The following PCDHAC2 variants were observed in gnomAD, a reference collection of about 807,000 sequenced individuals.
PCDHAC2 encodes the protein protocadherin alpha subfamily C, 2.
PCDHAC2 carries 24 observed loss-of-function variants against 63.3 expected under a neutral mutation model. The observed-to-expected ratio is 0.38, with a 90% confidence interval of 0.27 to 0.53. PCDHAC2 has a LOEUF of 0.53. Among genes scored for constraint, PCDHAC2 ranks in the 20% least tolerant of loss-of-function variants. PCDHAC2 has a pLI of 0.81. For synonymous variants in PCDHAC2, 569 were observed against 529.4 expected (o/e 1.07, Z -1.03); for missense variants, 1,181 against 1,275.2 (o/e 0.93, Z 1.12).
At chr5:140,984,597 T>TA (rs1554246418) in intron 3 of PCDHAC2, among the ~76,000 whole-genome samples, 1 of 152,182 alleles carries the variant, frequency 6.6e-6, no homozygotes, top group East Asian at 1.9e-4. Flanking sequence ...TTTCAATACA[T>TA]ACCTCTGCAT....
At chr5:141,003,913 T>C (rs1554259375) in intron 3 of PCDHAC2, among the ~76,000 whole-genome samples, 1 of 152,206 alleles carries the variant, frequency 6.6e-6, no homozygotes, top group African/African-American at 2.4e-5. Flanking sequence ...GGGTCTTGAC[T>C]GCATCCTCAG....
intron 3 of PCDHAC2, among the ~76,000 whole-genome samples, chr5:140,992,954 C>G (rs1174073844): frequency 6.6e-6 from 1 of 152,190 alleles, no homozygotes; most frequent in Non-Finnish European, 1.5e-5. Context: ...TTAAATCACC[C>G]CTTATACTGC....
chr5:141,010,438 CA>C lies in PCDHAC2; in HGVS notation c.*504del. ...TACAAGGAAGGCAAGAAAACAAAGA[CA>C]AATAAACAGCGGAAGTTATCAGTAT... On this transcript the variant is annotated 3_prime_UTR_variant, in exon 4 of 4. Transcript: ENST00000289269. 1.0e-6 allele frequency: 1 copy of C among 998,926 alleles called. No individual in the cohort carries two copies. The highest frequency in any genetic ancestry group is 1.4e-6 in the Non-Finnish European group (1 of 704,790). The allele number at this position is 998,926 out of a possible 1,614,324, so 61.9% of individuals were successfully genotyped here.
chr5:140,976,702 A>G (rs782610534), intron 1 of PCDHAC2, among the ~76,000 whole-genome samples: 2 of 152,220 alleles, frequency 1.3e-5, no homozygotes, highest in Non-Finnish European at 2.9e-5. Context: ...AATAATGTTG[A>G]CTTTGCATTA....
chr5:140,982,584 C>T (rs1554244599), intron 3 of PCDHAC2, 21 bp downstream of exon 3: 1 of 1,612,032 alleles, frequency 6.2e-7, no homozygotes, highest in East Asian at 2.2e-5. Flanking sequence ...GGGGTCTCTC[C>T]ATTCTTTCTT....
rs370989006 is a variant in PCDHAC2, at chr5:141,009,739, C to G, written c.2826C>G (p.Pro942=). The G allele has an allele frequency of 1.2e-6, 2 of 1,614,010 alleles. No homozygotes were observed. Among genetic ancestry groups the G allele is most frequent in the Non-Finnish European group, 8.5e-7 (1 of 1,180,008 alleles). The change falls in exon 4 of 4, where the codon CCC becomes CCG. Residue 942 remains proline (P), a synonymous_variant. Transcript: ENST00000289269. ...AACAATCCGGTCCCGGTGAGTTGCCCGACAAATTCATTATCCCAGGATCTC... is the reference window on the plus strand; with the variant it reads ...AACAATCCGGTCCCGGTGAGTTGCCGGACAAATTCATTATCCCAGGATCTC... The part of the protein sequence containing the change: ...NPKQSGPGEL[P]DKFIIPGSPA...
At chr5:140,971,038 A>G (rs948457676) in intron 1 of PCDHAC2, among the ~76,000 whole-genome samples, 4 of 152,216 alleles carry the variant, frequency 2.6e-5, no homozygotes, top group Non-Finnish European at 5.9e-5. Context: ...GAAAGCACGT[A>G]AAAGGGTTTA....
intron 3 of PCDHAC2, among the ~76,000 whole-genome samples, chr5:141,007,495 G>T (rs2098332812): frequency 6.6e-6 from 1 of 151,988 alleles, no homozygotes; most frequent in Non-Finnish European, 1.5e-5. Flanking sequence ...TTGGACCTAG[G>T]AGGCAGAGAC....
At position 140,998,856 on chromosome 5, in the gene PCDHAC2, C is replaced by T. The variant is rs77103467; in HGVS notation, c.2714-10771C>T. 2.6e-3 allele frequency among the ~76,000 whole-genome samples: 397 copies of T among 152,354 alleles called. 2 individuals carry two copies. Among genetic ancestry groups the T allele is most frequent in the African/African-American group, 9.1e-3 (380 of 41,584 alleles). ...TGGATTACTGGTGTGAGCCACATGC[C>T]TGGCCTTGTAAATAATAAGTTTAGT... On this transcript the variant is annotated intron_variant, in intron 3 of 3. Coordinates refer to ENST00000289269, the MANE Select transcript of PCDHAC2 (RefSeq NM_018899.6).
chr5:140,991,374 G>A (rs537981449), intron 3 of PCDHAC2, among the ~76,000 whole-genome samples: 2 of 152,286 alleles, frequency 1.3e-5, no homozygotes, highest in South Asian at 4.1e-4. Context: ...TGAGTTCTAG[G>A]CCAACTGTAG....
At chr5:140,975,208 G>A (rs1449804050) in intron 1 of PCDHAC2, among the ~76,000 whole-genome samples, 1 of 152,170 alleles carries the variant, frequency 6.6e-6, no homozygotes, top group African/African-American at 2.4e-5. Context: ...TTCATGGCTG[G>A]CACTGGAGAA....
chr5:140,990,155 G>A (rs1483856647), intron 3 of PCDHAC2, among the ~76,000 whole-genome samples: 2 of 152,076 alleles, frequency 1.3e-5, no homozygotes, highest in Admixed American at 6.5e-5. Context: ...ATAATAGAAA[G>A]TTAGGGTATG....
At position 140,966,864 on chromosome 5, in the gene PCDHAC2, T is replaced by A; in HGVS notation, c.98T>A (p.Leu33Gln). Residue 33 changes from leucine (L) to glutamine (Q), a missense_variant, in exon 1 of 4, where the codon CTG becomes CAG. Coordinates refer to ENST00000289269, the MANE Select transcript of PCDHAC2 (RefSeq NM_018899.6). ...LLLLPLLLLL[L>Q]LLLPGPAASQ... ...CTACTGCCTCTCCTGCTGCTGTTGC[T>A]GCTGCTGCTACCTGGCCCTGCGGCC... 1 of 1,564,920 alleles carries A rather than the reference T, an allele frequency of 6.4e-7. No individual in the cohort carries two copies.
At chr5:140,977,104 A>C (rs2096746104) in intron 1 of PCDHAC2, among the ~76,000 whole-genome samples, 1 of 152,242 alleles carries the variant, frequency 6.6e-6, no homozygotes, top group Admixed American at 6.5e-5. Flanking sequence ...TGGGGAAGTG[A>C]GATTGTATAA....
At chr5:140,990,084 C>T (rs31873) in intron 3 of PCDHAC2, among the ~76,000 whole-genome samples, 3,615 of 152,028 alleles carry the variant, frequency 0.024, 147 homozygotes, top group African/African-American at 0.081. Flanking sequence ...ACAAAGGATG[C>T]TTGTGCTACT....
At position 140,968,694 on chromosome 5, in the gene PCDHAC2, G is replaced by A; in HGVS notation, c.1928G>A (p.Arg643Lys). ...GTAGAGCTGCACACAGGAGAAATTA[G>A]GACTACCAGGAAGATGGGAGATGAG... ...FKVELHTGEI[R>K]TTRKMGDESG... Residue 643 changes from arginine (R) to lysine (K), a missense_variant, in exon 1 of 4, where the codon AGG (arginine) becomes AAG (lysine). Around this residue, in one of 3 missense-constraint regions of PCDHAC2, gnomAD observed 968 missense variants for 1,073.5 expected, o/e 0.90. Transcript: ENST00000289269. 6.2e-7 allele frequency: 1 copy of A among 1,614,092 alleles called. No homozygotes were observed. The highest frequency in any genetic ancestry group is 8.5e-7 in the Non-Finnish European group (1 of 1,180,030).
At chr5:140,983,299 A>T (rs1554245269) in intron 3 of PCDHAC2, among the ~76,000 whole-genome samples, 1 of 152,186 alleles carries the variant, frequency 6.6e-6, no homozygotes. Flanking sequence ...GCTTAAACTC[A>T]CATTTGCTTG....
At chr5:140,983,170 G>A (rs1046143831) in intron 3 of PCDHAC2, among the ~76,000 whole-genome samples, 1 of 152,136 alleles carries the variant, frequency 6.6e-6, no homozygotes, top group Non-Finnish European at 1.5e-5. Context: ...AAACATGACC[G>A]CCTCACAATT....
At chr5:140,983,171 C>T (rs1371766725) in intron 3 of PCDHAC2, among the ~76,000 whole-genome samples, 2 of 152,136 alleles carry the variant, frequency 1.3e-5, no homozygotes, top group Non-Finnish European at 2.9e-5. Flanking sequence ...AACATGACCG[C>T]CTCACAATTT....
Sources: gnomAD v4.1 joint callset for allele counts (sites outside exome capture counted in the v4.1 genomes callset) on GRCh38, gnomAD v4.1.1 for gene constraint, gnomAD v4.1.1 regional missense constraint, MANE v1.5 for transcripts, NCBI Gene and HGNC (gene_info 2026-07-23, HGNC 2026-07-21) for gene names.